The following LURAP1L variants were observed in gnomAD, a reference collection of about 807,000 sequenced individuals.
LURAP1L encodes leucine rich adaptor protein 1-like.
A neutral mutation model predicts 13.8 loss-of-function variants in LURAP1L; 12 were observed. That is an observed-to-expected ratio of 0.87 (90% CI 0.56 to 1.41). LURAP1L has a LOEUF of 1.41. Ranked by LOEUF, LURAP1L falls within the 40% of genes most tolerant of loss-of-function variation. The probability of loss-of-function intolerance (pLI) is 0.00; values close to 1 mark genes in which losing one functional copy is unlikely to be tolerated. For missense variants in LURAP1L, 375 were observed against 292.9 expected (o/e 1.28, Z -2.04); for synonymous variants, 139 against 119.2 (o/e 1.17, Z -1.08).
chr9:12,814,258 T>G (rs1296037113), intron 1 of LURAP1L: 3 of 152,096 alleles, frequency 2.0e-5, no homozygotes, highest in African/African-American at 7.2e-5. Flanking sequence ...TATCTTAAGT[T>G]CTAAATTGAA....
At chr9:12,779,366 C>G (rs574414569) in intron 1 of LURAP1L, among the ~76,000 whole-genome samples, 24 of 150,882 alleles carry the variant, frequency 1.6e-4, no homozygotes, top group African/African-American at 5.6e-4. Flanking sequence ...GCTCCGCCTC[C>G]CAGGTTCAGG....
At chr9:12,797,955 GA>G (rs1471630097) in intron 1 of LURAP1L, among the ~76,000 whole-genome samples, 1 of 152,142 alleles carries the variant, frequency 6.6e-6, no homozygotes. Flanking sequence ...ACTTCAAATA[GA>G]TAATGAAATT....
intron 1 of LURAP1L, among the ~76,000 whole-genome samples, chr9:12,789,859 A>G (rs1347546592): frequency 6.6e-6 from 1 of 152,198 alleles, no homozygotes; most frequent in Non-Finnish European, 1.5e-5. Flanking sequence ...AAGACTACAG[A>G]TAAAGCCCTT....
intron 1 of LURAP1L, among the ~76,000 whole-genome samples, chr9:12,776,739 C>G (rs3750504): frequency 0.15 from 22,579 of 152,076 alleles, 2,346 homozygotes; most frequent in East Asian, 0.56. Flanking sequence ...CACCCTTCTC[C>G]CTCAAGTCTC....
At chr9:12,792,041 G>T (rs1819447738) in intron 1 of LURAP1L, among the ~76,000 whole-genome samples, 1 of 152,092 alleles carries the variant, frequency 6.6e-6, no homozygotes, top group African/African-American at 2.4e-5. Flanking sequence ...GCATAGGAGG[G>T]TTGATTAGAA....
In LURAP1L at chr9:12,779,856, C is replaced by T. The variant is rs541370663; in HGVS notation, c.312+3829C>T. Among the ~76,000 whole-genome samples, 63 of 152,294 alleles carry T rather than the reference C, an allele frequency of 4.1e-4. 1 individual carries two copies. In the South Asian group the frequency reaches 8.7e-3, roughly 21 times the overall value. On this transcript the variant is annotated intron_variant, in intron 1 of 1. Coordinates refer to ENST00000319264, the MANE Select transcript of LURAP1L (RefSeq NM_203403.2). ...TTACCATAAGCCTTCCCAGGAGGAA[C>T]AAGCACTAAACACAGTCTCTGGCTT... is the stretch of plus-strand genomic sequence containing the variant.
intron 1 of LURAP1L, among the ~76,000 whole-genome samples, chr9:12,793,238 T>C (rs981313660): frequency 2.6e-5 from 4 of 152,094 alleles, no homozygotes; most frequent in African/African-American, 9.7e-5. Flanking sequence ...TCTACCAATG[T>C]GCATTCTGCT....
At chr9:12,810,340 G>A (rs538883709) in intron 1 of LURAP1L, among the ~76,000 whole-genome samples, 2 of 152,118 alleles carry the variant, frequency 1.3e-5, no homozygotes, top group Non-Finnish European at 2.9e-5. Context: ...TCTGCTTCCA[G>A]TTTTCTGTTC....
chr9:12,779,004 G>T (rs1274457664), intron 1 of LURAP1L, among the ~76,000 whole-genome samples: 1 of 152,170 alleles, frequency 6.6e-6, no homozygotes, highest in East Asian at 1.9e-4. Flanking sequence ...ATCAGTCACA[G>T]TAAGAGATTA....
intron 1 of LURAP1L, among the ~76,000 whole-genome samples, chr9:12,803,863 A>G (rs972340641): frequency 6.6e-6 from 1 of 152,232 alleles, no homozygotes; most frequent in Non-Finnish European, 1.5e-5. Context: ...CAGAGATATC[A>G]TTAAGGTATT....
At chr9:12,793,036 C>T (rs1042876265) in intron 1 of LURAP1L, among the ~76,000 whole-genome samples, 8 of 151,926 alleles carry the variant, frequency 5.3e-5, no homozygotes, top group Non-Finnish European at 1.2e-4. Flanking sequence ...CGAACTAGAA[C>T]ATAAGAAGGA....
chr9:12,795,374 T>G (rs1819499095), intron 1 of LURAP1L, among the ~76,000 whole-genome samples: 1 of 152,002 alleles, frequency 6.6e-6, no homozygotes, highest in Non-Finnish European at 1.5e-5. Context: ...AGGTCAGTAT[T>G]GGAGGAATAC....
At chr9:12,784,725 C>G (rs943170218) in intron 1 of LURAP1L, among the ~76,000 whole-genome samples, 1 of 152,142 alleles carries the variant, frequency 6.6e-6, no homozygotes, top group African/African-American at 2.4e-5. Context: ...GGCCCAAGGG[C>G]TCTTTAGTCA....
At chr9:12,783,043 G>A (rs1293252785) in intron 1 of LURAP1L, among the ~76,000 whole-genome samples, 1 of 151,774 alleles carries the variant, frequency 6.6e-6, no homozygotes, top group African/African-American at 2.4e-5. Flanking sequence ...AAATGCTACT[G>A]ATTTTTATGT....
rs1819895440 is a variant in LURAP1L at position 12,822,538 on chromosome 9, A to T, written c.*778A>T. Among the ~76,000 whole-genome samples the T allele has an allele frequency of 6.6e-6, 1 of 152,204 alleles. No homozygotes were observed. ...AATTGCATTTTGAGATTTTGTTGGC[A>T]TTTACTTGTATGTATTTTGTGATTC... On this transcript the variant is annotated 3_prime_UTR_variant, in exon 2 of 2. Transcript: ENST00000319264.
In LURAP1L at chr9:12,778,926, T is replaced by G. The variant is rs185393500; in HGVS notation, c.312+2899T>G. On this transcript the variant is annotated intron_variant, in intron 1 of 1. Coordinates refer to ENST00000319264, the MANE Select transcript of LURAP1L (RefSeq NM_203403.2). Reference sequence around the variant, plus strand: ...TCCAATGGATGCTTGAAACTGTGGATAGTACCAAAGCCTATATAGACTGTT... The same window carrying G: ...TCCAATGGATGCTTGAAACTGTGGAGAGTACCAAAGCCTATATAGACTGTT... Among the ~76,000 whole-genome samples the G allele has an allele frequency of 1.3e-5, 2 of 152,328 alleles. 1 individual carries two copies. Among genetic ancestry groups the G allele is most frequent in the East Asian group, 3.9e-4 (2 of 5,178 alleles).
At chr9:12,817,172 CT>C (rs1819815092) in intron 1 of LURAP1L, among the ~76,000 whole-genome samples, 8 of 152,110 alleles carry the variant, frequency 5.3e-5, no homozygotes, top group Admixed American at 5.2e-4. Flanking sequence ...AAGGCATTAT[CT>C]GCTGGGAACG....
At chr9:12,807,737 T>C (rs1174973503) in intron 1 of LURAP1L, among the ~76,000 whole-genome samples, 1 of 151,526 alleles carries the variant, frequency 6.6e-6, no homozygotes, top group Non-Finnish European at 1.5e-5. Context: ...TTTCTTTCCT[T>C]TGTTTGCTCA....
rs1819887752 is a variant in LURAP1L, at chr9:12,821,972, A to G, written c.*212A>G. ...GTTACATCTCTATTTTTTATTTATT[A>G]CAATGATTTTCTCCCTTCTTTTACA... On this transcript the variant is annotated 3_prime_UTR_variant, in exon 2 of 2. Coordinates refer to ENST00000319264, the MANE Select transcript of LURAP1L (RefSeq NM_203403.2). 4.2e-6 allele frequency: 2 copies of G among 473,984 alleles called. No individual in the cohort carries two copies. Among genetic ancestry groups the G allele is most frequent in the Non-Finnish European group, 7.2e-6 (2 of 276,664 alleles). The allele number at this position is 473,984 out of a possible 1,614,324, so 29.4% of individuals were successfully genotyped here.
Sources: gnomAD v4.1 joint callset for allele counts (sites outside exome capture counted in the v4.1 genomes callset) on GRCh38, gnomAD v4.1.1 for gene constraint, MANE v1.5 for transcripts, NCBI Gene and HGNC (gene_info 2026-07-23, HGNC 2026-07-21) for gene names.